The following HOGA1 variants were observed in gnomAD, a reference collection of about 807,000 sequenced individuals.
HOGA1 encodes 4-hydroxy-2-oxoglutarate aldolase, mitochondrial.
A neutral mutation model predicts 34.3 loss-of-function variants in HOGA1; 30 were observed. That is an observed-to-expected ratio of 0.87 (90% confidence interval 0.65 to 1.19). The LOEUF is 1.19. HOGA1 is among the 50% of genes most tolerant of loss of function. The pLI, the probability that HOGA1 is intolerant of heterozygous loss-of-function variation, is 0.00. For missense variants in HOGA1, 417 were observed against 436.5 expected, an observed-to-expected ratio of 0.96 and a Z score of 0.40; for synonymous variants, 161 against 174.0, an observed-to-expected ratio of 0.93 and a Z score of 0.59.
intron 1 of HOGA1, chr10:97,589,957 G>T: frequency 6.2e-7 from 1 of 1,614,104 alleles, no homozygotes; most frequent in Non-Finnish European, 8.5e-7. Context: ...CATCAGACAA[G>T]GACAAGTCAC....
rs2041204714 is a variant in HOGA1, at chr10:97,612,319, GACT to G, written c.*664_*666del. On this transcript the variant is annotated 3_prime_UTR_variant, in exon 7 of 7. Coordinates refer to ENST00000370646, the MANE Select transcript of HOGA1 (RefSeq NM_138413.4). ...CCGGCCGGGAATTTATCAAAGGGGG[GACT>G]ACTTAGATTTGGGGCTTCAAACCTG... The G allele has an allele frequency of 6.6e-6, 1 of 152,498 alleles. No homozygotes were observed. Among genetic ancestry groups the G allele is most frequent in the African/African-American group, 2.4e-5 (1 of 41,406 alleles). 9.4% of individuals were successfully genotyped at this position (152,498 alleles called of 1,614,324 possible).
intron 1 of HOGA1, 35 bp downstream of exon 1, chr10:97,584,949 A>G (rs1044127300): frequency 1.3e-6 from 2 of 1,579,386 alleles, no homozygotes; most frequent in African/African-American, 2.7e-5. Context: ...ACCTGGGGAG[A>G]TGTGAGTGGC....
chr10:97,597,779 A>G (rs2041082470), intron 1 of HOGA1, among the ~76,000 whole-genome samples: 1 of 151,872 alleles, frequency 6.6e-6, no homozygotes, highest in South Asian at 2.1e-4. Flanking sequence ...AAATAGTGAA[A>G]CTCCATCTCT....
At chr10:97,594,670 T>A (rs1262608288) in intron 1 of HOGA1, among the ~76,000 whole-genome samples, 3 of 151,994 alleles carry the variant, frequency 2.0e-5, no homozygotes, top group African/African-American at 4.8e-5. Context: ...AATTTTTTTT[T>A]AGTAGAGACA....
chr10:97,606,949 C>T (rs1227912167), intron 6 of HOGA1, among the ~76,000 whole-genome samples: 2 of 152,164 alleles, frequency 1.3e-5, no homozygotes, highest in African/African-American at 2.4e-5. Flanking sequence ...TTCCAGCCAA[C>T]AAGTCCTGTA....
chr10:97,600,310 C>A (rs1276918760), intron 5 of HOGA1, 147 bp downstream of exon 5: 5 of 722,910 alleles, frequency 6.9e-6, no homozygotes, highest in South Asian at 4.4e-5. Context: ...AGAAACCTGG[C>A]CACGCCGCTT....
At chr10:97,604,428 C>T (rs2135725453) in intron 6 of HOGA1, among the ~76,000 whole-genome samples, 1 of 152,238 alleles carries the variant, frequency 6.6e-6, no homozygotes, top group East Asian at 1.9e-4. Flanking sequence ...CTCAAGCAAT[C>T]CTCCCAGCTT....
At chr10:97,604,329 T>G (rs1014045949) in intron 6 of HOGA1, among the ~76,000 whole-genome samples, 29 of 152,086 alleles carry the variant, frequency 1.9e-4, no homozygotes, top group Admixed American at 1.8e-3. Flanking sequence ...TGTTTATTTA[T>G]TATTTATTTA....
At chr10:97,592,086 C>A (rs1025443761) in intron 1 of HOGA1, among the ~76,000 whole-genome samples, 4 of 151,916 alleles carry the variant, frequency 2.6e-5, no homozygotes, top group African/African-American at 9.7e-5. Context: ...TAGTTCACTG[C>A]AGCCTCAGAC....
chr10:97,611,754 A>G lies in HOGA1; in HGVS notation c.*95A>G. On this transcript the variant is annotated 3_prime_UTR_variant, in exon 7 of 7. Coordinates refer to ENST00000370646, the MANE Select transcript of HOGA1 (RefSeq NM_138413.4). Reference sequence around the variant, plus strand: ...GAGAGCACAGGGGGATGAGGGTGGCAGGCAGCGGGGAGCCGATAGAGGCTC... The same window carrying G: ...GAGAGCACAGGGGGATGAGGGTGGCGGGCAGCGGGGAGCCGATAGAGGCTC... 6.8e-7 allele frequency: 1 copy of G among 1,466,968 alleles called. No individual in the cohort carries two copies. The highest frequency in any genetic ancestry group is 9.2e-7 in the Non-Finnish European group (1 of 1,084,182). The allele number at this position is 1,466,968 out of a possible 1,614,324, so 90.9% of individuals were successfully genotyped here. A position where few individuals can be genotyped will look rare whatever the true frequency, so the allele number is the denominator to read the frequency against.
intron 6 of HOGA1, chr10:97,602,279 G>T (rs1321936156): frequency 7.3e-7 from 1 of 1,375,944 alleles, no homozygotes. Context: ...CAAACATCCT[G>T]TGTGATTGTG....
intron 5 of HOGA1, among the ~76,000 whole-genome samples, chr10:97,601,566 G>T (rs1207157873): frequency 2.0e-5 from 3 of 152,136 alleles, no homozygotes; most frequent in Non-Finnish European, 4.4e-5. Flanking sequence ...ATTCCGGGAG[G>T]GGTTCAGGGA....
chr10:97,599,425 G>C, intron 3 of HOGA1: 1 of 715,554 alleles, frequency 1.4e-6, no homozygotes, highest in Non-Finnish European at 2.4e-6. Context: ...GATGTCATCT[G>C]TCTCATAGGG....
In HOGA1 at chr10:97,611,769, G is replaced by T; in HGVS notation, c.*110G>T. The stretch of plus-strand genomic sequence containing the variant: ...TGAGGGTGGCAGGCAGCGGGGAGCC[G>T]ATAGAGGCTCCTTTGCCTGCTGTGG... On this transcript the variant is annotated 3_prime_UTR_variant, in exon 7 of 7. Coordinates refer to ENST00000370646, the MANE Select transcript of HOGA1 (RefSeq NM_138413.4). 7.5e-7 allele frequency: 1 copy of T among 1,328,776 alleles called. No homozygotes were observed. Among genetic ancestry groups the T allele is most frequent in the Non-Finnish European group, 1.0e-6 (1 of 962,144 alleles). 82.3% of individuals were successfully genotyped at this position (1,328,776 alleles called of 1,614,324 possible). A position where few individuals can be genotyped will look rare whatever the true frequency, so the allele number is the denominator to read the frequency against.
chr10:97,592,659 C>T (rs1011810591), intron 1 of HOGA1, among the ~76,000 whole-genome samples: 2 of 151,982 alleles, frequency 1.3e-5, no homozygotes, highest in Non-Finnish European at 1.5e-5. Context: ...GTTTGATTAT[C>T]GTTGTAATGC....
In HOGA1 at chr10:97,584,893, C is replaced by T. The variant is rs1277676251; in HGVS notation, c.190C>T (p.Leu64=). The T allele has an allele frequency of 6.2e-7, 1 of 1,614,060 alleles. No individual in the cohort carries two copies. Among genetic ancestry groups the T allele is most frequent in the African/African-American group, 1.3e-5 (1 of 74,922 alleles). The change falls in exon 1 of 7, where the codon CTG becomes TTG. Residue 64 remains leucine (L), a synonymous_variant. Coordinates refer to ENST00000370646, the MANE Select transcript of HOGA1 (RefSeq NM_138413.4). ...YGKLEENLHK[L]GTFPFRGFVV... ...GAAACTGGAGGAGAATCTGCACAAA[C>T]TGGGCACCTTCCCCTTCCGAGGTAA... is the stretch of plus-strand genomic sequence containing the variant.
chr10:97,604,330 T>C (rs1265618551), intron 6 of HOGA1, among the ~76,000 whole-genome samples: 2 of 152,142 alleles, frequency 1.3e-5, no homozygotes, highest in Non-Finnish European at 2.9e-5. Flanking sequence ...GTTTATTTAT[T>C]ATTTATTTAT....
Position 97,597,107 on chromosome 10 carries a change from AT to A in HOGA1, c.212-1652del, listed in dbSNP as rs757896641. Among the ~76,000 whole-genome samples the A allele has an allele frequency of 5.4e-3, 756 of 139,034 alleles. 3 individuals are homozygous for A. The highest frequency in any genetic ancestry group is 0.019 in the Middle Eastern group (5 of 270). 91.2% of individuals were successfully genotyped at this position (139,034 alleles called of 152,430 possible). A position where few individuals can be genotyped will look rare whatever the true frequency, so the allele number is the denominator to read the frequency against. Reference sequence around the variant, plus strand: ...ATTTCCTTCTCCCAAATAGCCTCCAATTTTTTTTTTTTTTTTGAGACAGGGT... The same window carrying A: ...ATTTCCTTCTCCCAAATAGCCTCCAATTTTTTTTTTTTTTTGAGACAGGGT... On this transcript the variant is annotated intron_variant, in intron 1 of 6. Coordinates refer to ENST00000370646, the MANE Select transcript of HOGA1 (RefSeq NM_138413.4).
intron 3 of HOGA1, chr10:97,599,463 A>T: frequency 2.7e-6 from 2 of 733,326 alleles, no homozygotes; most frequent in Non-Finnish European, 4.6e-6. Flanking sequence ...TGAGATCAGG[A>T]ACATAAAGGC....
Sources: gnomAD v4.1 joint callset for allele counts (sites outside exome capture counted in the v4.1 genomes callset) on GRCh38, gnomAD v4.1.1 for gene constraint, MANE v1.5 for transcripts, NCBI Gene and HGNC (gene_info 2026-07-23, HGNC 2026-07-21) for gene names.